CIMAP1D: variants seen among roughly 807,000 people sequenced by gnomAD.
CIMAP1D encodes protein CIMAP1D.
At chr19:488,968 C>A in the CIMAP1D span, among the ~76,000 whole-genome samples, 1 of 152,048 alleles carries the variant, frequency 6.6e-6, no homozygotes, top group Non-Finnish European at 1.5e-5. Context: ...CGCCGCCCGC[C>A]CCAAGCCCGC....
At chr19:467,624 G>A in the CIMAP1D span, 3 of 1,480,250 alleles carry the variant, frequency 2.0e-6, 1 homozygote, top group South Asian at 3.4e-5. Flanking sequence ...AGGTCCTTGT[G>A]CGGCTGCTTG....
chr19:478,708 A>C, the CIMAP1D span, among the ~76,000 whole-genome samples: 1 of 152,288 alleles, frequency 6.6e-6, no homozygotes, highest in South Asian at 2.1e-4. Flanking sequence ...AACAGTGAAA[A>C]AAAGGGAGGC....
chr19:485,257 C>T, the CIMAP1D span, among the ~76,000 whole-genome samples: 7 of 152,320 alleles, frequency 4.6e-5, no homozygotes, highest in East Asian at 1.4e-3. Flanking sequence ...CACGATGAGG[C>T]ACACACAGGC....
the CIMAP1D span, among the ~76,000 whole-genome samples, chr19:470,639 A>C: frequency 6.6e-6 from 1 of 152,088 alleles, no homozygotes; most frequent in African/African-American, 2.4e-5. Flanking sequence ...GAAGGCTGAG[A>C]ACAGGCTGCT....
chr19:467,160 G>C, the CIMAP1D span, among the ~76,000 whole-genome samples: 1 of 138,704 alleles, frequency 7.2e-6, no homozygotes, highest in Admixed American at 7.2e-5. Context: ...GGGTGGTTGG[G>C]TGGGTGGGTG....
At chr19:465,649 A>AT in the CIMAP1D span, among the ~76,000 whole-genome samples, 4 of 46,206 alleles carry the variant, frequency 8.7e-5, no homozygotes, top group African/African-American at 1.8e-4. Context: ...GGGTGGGTGG[A>AT]GGGATGAGTG....
chr19:480,727 G>A, the CIMAP1D span, among the ~76,000 whole-genome samples: 1 of 148,304 alleles, frequency 6.7e-6, no homozygotes, highest in Non-Finnish European at 1.5e-5. Flanking sequence ...TGGGAAGGAT[G>A]ATGGGAAGGA....
the CIMAP1D span, chr19:463,469 C>T: frequency 0.016 from 5,308 of 322,610 alleles, 168 homozygotes; most frequent in African/African-American, 0.085. Context: ...CCGGGGCTAA[C>T]CCAAGCTGTG....
At chr19:471,796 G>A in the CIMAP1D span, among the ~76,000 whole-genome samples, 1 of 151,464 alleles carries the variant, frequency 6.6e-6, no homozygotes, top group Non-Finnish European at 1.5e-5. Context: ...AGGCTGGAGT[G>A]CAGTGGCGCC....
At chr19:471,612 G>A in the CIMAP1D span, among the ~76,000 whole-genome samples, 15 of 151,922 alleles carry the variant, frequency 9.9e-5, no homozygotes, top group East Asian at 1.9e-4. Flanking sequence ...CCAGCTTTTC[G>A]GCTACTTTTA....
the CIMAP1D span, among the ~76,000 whole-genome samples, chr19:487,021 G>C: frequency 6.6e-6 from 1 of 152,108 alleles, no homozygotes; most frequent in Non-Finnish European, 1.5e-5. Context: ...CAAAGTGCTG[G>C]GATTACAGGT....
the CIMAP1D span, among the ~76,000 whole-genome samples, chr19:479,309 T>C: frequency 6.6e-6 from 1 of 151,500 alleles, no homozygotes; most frequent in Non-Finnish European, 1.5e-5. Context: ...TCTCTGCTCT[T>C]GTTACCCAAT....
chr19:481,765 T>C, the CIMAP1D span, among the ~76,000 whole-genome samples: 1,465 of 128,788 alleles, frequency 0.011, 25 homozygotes, highest in African/African-American at 0.039. Flanking sequence ...ACTGAGAACC[T>C]CCTACTTTTT....
At chr19:466,565 T>C in the CIMAP1D span, among the ~76,000 whole-genome samples, 1 of 135,184 alleles carries the variant, frequency 7.4e-6, no homozygotes, top group African/African-American at 2.8e-5. Flanking sequence ...GGAGGGTGGA[T>C]GCTAGGTGGG....
At chr19:471,740 CTT>C in the CIMAP1D span, among the ~76,000 whole-genome samples, 437 of 140,514 alleles carry the variant, frequency 3.1e-3, 2 homozygotes, top group African/African-American at 9.3e-3. Flanking sequence ...CTATTGTTAA[CTT>C]TTTTTTTTTT....
the CIMAP1D span, among the ~76,000 whole-genome samples, chr19:472,036 G>C: frequency 1.3e-5 from 2 of 152,216 alleles, no homozygotes; most frequent in Admixed American, 1.3e-4. Flanking sequence ...GTGAGCCACC[G>C]CACCGGCCTG....
the CIMAP1D span, chr19:467,611 A>G: frequency 7.5e-7 from 1 of 1,328,678 alleles, no homozygotes; most frequent in East Asian, 2.3e-5. Flanking sequence ...GACCCTGGAA[A>G]GCAGGTCCTT....
chr19:485,720 C>A, the CIMAP1D span, among the ~76,000 whole-genome samples: 1 of 152,196 alleles, frequency 6.6e-6, no homozygotes, highest in Non-Finnish European at 1.5e-5. Flanking sequence ...GATGAGGGTG[C>A]GACAGCTGGG....
At chr19:477,036 A>G in the CIMAP1D span, among the ~76,000 whole-genome samples, 48 of 152,204 alleles carry the variant, frequency 3.2e-4, no homozygotes, top group Admixed American at 2.6e-3. Flanking sequence ...GTGAAACCCC[A>G]TCTCTACAAA....
Sources: gnomAD v4.1 joint callset for allele counts (sites outside exome capture counted in the v4.1 genomes callset) on GRCh38, gnomAD v4.1.1 for gene constraint, MANE v1.5 for transcripts, NCBI Gene and HGNC (gene_info 2026-07-23, HGNC 2026-07-21) for gene names.